The following PLCH1 variants were observed in gnomAD, a reference collection of about 807,000 sequenced individuals.
The protein encoded by PLCH1 is phospholipase C eta 1.
Under a neutral mutation model 126.7 loss-of-function variants are expected in PLCH1, and 60 were observed. The observed-to-expected ratio is 0.47, with a 90% CI of 0.38 to 0.59. The LOEUF (loss-of-function observed/expected upper bound fraction) is 0.59. Ranked by LOEUF, PLCH1 falls within the 20% of genes least tolerant of loss-of-function variation. The probability of loss-of-function intolerance (pLI) is 0.00; values close to 1 mark genes in which losing one functional copy is unlikely to be tolerated. For missense variants in PLCH1, 1,723 were observed against 2,040.0 expected, an observed-to-expected ratio of 0.84 and a Z score of 2.99; for synonymous variants, 719 against 734.9, an observed-to-expected ratio of 0.98 and a Z score of 0.35.
chr3:155,629,828 GCA>G (rs1737815741), intron 2 of PLCH1, among the ~76,000 whole-genome samples: 1 of 152,106 alleles, frequency 6.6e-6, no homozygotes, highest in Non-Finnish European at 1.5e-5. Flanking sequence ...ACTAGACTCT[GCA>G]CAGTTCCCCA....
chr3:155,636,350 G>A (rs2108834919), intron 2 of PLCH1, among the ~76,000 whole-genome samples: 1 of 152,246 alleles, frequency 6.6e-6, no homozygotes, highest in East Asian at 1.9e-4. Context: ...TGCTATTAGG[G>A]AAAAAAGTGA....
chr3:155,497,056 G>C (rs1717144022), intron 15 of PLCH1, among the ~76,000 whole-genome samples: 1 of 152,188 alleles, frequency 6.6e-6, no homozygotes, highest in South Asian at 2.1e-4. Context: ...TGAGGCACTT[G>C]TCTTTGTATA....
intron 2 of PLCH1, among the ~76,000 whole-genome samples, chr3:155,647,107 T>A (rs932841229): frequency 2.0e-5 from 3 of 152,084 alleles, no homozygotes; most frequent in Non-Finnish European, 2.9e-5. Context: ...GATTTCCAAC[T>A]CTCTTCTCAG....
intron 2 of PLCH1, among the ~76,000 whole-genome samples, chr3:155,633,412 T>TCACACACACA (rs59152066): frequency 5.0e-4 from 71 of 142,452 alleles, no homozygotes; most frequent in Middle Eastern, 3.7e-3. Context: ...TTATATAACA[T>TCACACACACA]CACACACACA....
At chr3:155,598,184 CAA>C (rs201681402) in intron 2 of PLCH1, among the ~76,000 whole-genome samples, 2 of 141,122 alleles carry the variant, frequency 1.4e-5, no homozygotes, top group South Asian at 4.5e-4. Context: ...AACTTTGCCT[CAA>C]AAAAAAAAAA....
At position 155,732,877 on chromosome 3, in the gene PLCH1, C is replaced by CAA. The variant is rs71155063; in HGVS notation, c.-41+11961_-41+11962dup. ...TGGGTGACAGGGTGAGACTGCATCT[C>CAA]AAAAAAAAAAAAAAAAAAAAAAATC... On this transcript the variant is annotated intron_variant, in intron 1 of 22. Coordinates refer to ENST00000460012, the MANE Select transcript of PLCH1 (RefSeq NM_014996.4). Among the ~76,000 whole-genome samples, 495 of 79,866 alleles carry CAA rather than the reference C, an allele frequency of 6.2e-3. 6 individuals are homozygous for CAA. The highest frequency in any genetic ancestry group is 0.014 in the African/African-American group (240 of 17,752). The allele number at this position is 79,866 out of a possible 152,430, so 52.4% of individuals were successfully genotyped here. A position where few individuals can be genotyped will look rare whatever the true frequency, so the allele number is the denominator to read the frequency against.
At chr3:155,570,012 T>C (rs1053564561) in intron 6 of PLCH1, among the ~76,000 whole-genome samples, 1 of 152,190 alleles carries the variant, frequency 6.6e-6, no homozygotes, top group Non-Finnish European at 1.5e-5. Flanking sequence ...AAGCATTCTG[T>C]GAAGTTCACA....
intron 1 of PLCH1, among the ~76,000 whole-genome samples, chr3:155,719,588 C>T (rs538891125): frequency 6.6e-6 from 1 of 151,570 alleles, no homozygotes; most frequent in African/African-American, 2.4e-5. Flanking sequence ...AGAGAGGTTG[C>T]TTGTGGAGTG....
intron 2 of PLCH1, among the ~76,000 whole-genome samples, chr3:155,625,188 A>G (rs1406099533): frequency 6.6e-6 from 1 of 152,254 alleles, no homozygotes; most frequent in African/African-American, 2.4e-5. Flanking sequence ...TTGGCTAGCC[A>G]TAAGCAGAAT....
rs1236661991 is a variant in PLCH1, at chr3:155,526,416, CTCTCTTCTG to C, written c.1363-2421_1363-2413del. On this transcript the variant is annotated intron_variant, in intron 10 of 22. Transcript: ENST00000460012. ...TCTTTCTCTCTCTCTCTTTCTCTCT[CTCTCTTCTG>C]TCTCTCTCTCTCTCTCTTTTTCTCT... Among the ~76,000 whole-genome samples, 200 of 150,502 alleles carry C rather than the reference CTCTCTTCTG, an allele frequency of 1.3e-3. 1 individual carries two copies. Among genetic ancestry groups the C allele is most frequent in the African/African-American group, 4.8e-3 (195 of 40,664 alleles).
intron 1 of PLCH1, among the ~76,000 whole-genome samples, chr3:155,713,357 G>T (rs969229923): frequency 3.3e-5 from 5 of 152,204 alleles, no homozygotes; most frequent in Non-Finnish European, 5.9e-5. Context: ...ATAGATTAGA[G>T]ATGATCAGAG....
At chr3:155,700,731 T>C (rs898032855) in intron 2 of PLCH1, among the ~76,000 whole-genome samples, 4 of 152,152 alleles carry the variant, frequency 2.6e-5, no homozygotes, top group African/African-American at 9.7e-5. Flanking sequence ...CATTATTGGT[T>C]AAGAATCAAG....
Position 155,559,144 on chromosome 3 carries a change from G to A in PLCH1, c.1070-4948C>T, listed in dbSNP as rs545663924. Among the ~76,000 whole-genome samples the A allele has an allele frequency of 7.9e-5, 12 of 152,254 alleles. No homozygotes were observed. The East Asian group carries it at 9.6e-4, about 12-fold the overall frequency. On this transcript the variant is annotated intron_variant, in intron 8 of 22. Transcript: ENST00000460012. ...TCCTCCAAAAACACACAGACTTTCT[G>A]GAGAACAGTGCAATTCAAGAGTCAG... is the stretch of plus-strand genomic sequence containing the variant.
intron 2 of PLCH1, among the ~76,000 whole-genome samples, chr3:155,620,985 G>C (rs1229084477): frequency 6.6e-6 from 1 of 152,162 alleles, no homozygotes; most frequent in Non-Finnish European, 1.5e-5. Flanking sequence ...TCCCAGTAGG[G>C]GCTGACAGAC....
intron 1 of PLCH1, among the ~76,000 whole-genome samples, chr3:155,732,015 A>C (rs939807133): frequency 1.3e-5 from 2 of 148,184 alleles, no homozygotes; most frequent in Admixed American, 6.8e-5. Context: ...AAAGTCAGGG[A>C]AACATGACAC....
chr3:155,670,079 A>G (rs1041705087), intron 2 of PLCH1, among the ~76,000 whole-genome samples: 4 of 152,238 alleles, frequency 2.6e-5, no homozygotes, highest in African/African-American at 4.8e-5. Flanking sequence ...AGCATTTGAT[A>G]TAAATCAAGA....
At chr3:155,536,983 A>C (rs1032810327) in intron 10 of PLCH1, among the ~76,000 whole-genome samples, 1 of 152,138 alleles carries the variant, frequency 6.6e-6, no homozygotes. Context: ...TTTCTCAGCC[A>C]AAATCCTACA....
At chr3:155,582,034 C>G (rs1730763850) in intron 6 of PLCH1, among the ~76,000 whole-genome samples, 1 of 150,146 alleles carries the variant, frequency 6.7e-6, no homozygotes, top group African/African-American at 2.4e-5. Context: ...AGGTGTAAGC[C>G]ACCGTGCCCA....
chr3:155,643,000 G>T (rs1192696597), intron 2 of PLCH1, among the ~76,000 whole-genome samples: 1 of 152,166 alleles, frequency 6.6e-6, no homozygotes, highest in Non-Finnish European at 1.5e-5. Context: ...CCAGGCTGGA[G>T]TGTAGTGGCA....
Sources: allele counts gnomAD v4.1 joint callset (sites outside exome capture counted in the v4.1 genomes callset), GRCh38; gene constraint gnomAD v4.1.1; transcripts MANE v1.5; gene names NCBI Gene and HGNC (gene_info 2026-07-23, HGNC 2026-07-21).